The following DCAF5 variants were observed in gnomAD, a reference collection of about 807,000 sequenced individuals.
The protein encoded by DCAF5 is DDB1- and CUL4-associated factor 5.
In DCAF5, 9 loss-of-function variants were observed where a neutral mutation model predicts 80.7. The ratio of observed to expected loss-of-function variants is 0.11; its 90% CI spans 0.07 to 0.19. The LOEUF (loss-of-function observed/expected upper bound fraction) is 0.19, where lower values mean the gene tolerates loss of function less well. Among genes scored for constraint, DCAF5 ranks in the 10% least tolerant of loss-of-function variants. DCAF5 has a pLI of 1.00. For synonymous variants in DCAF5, 433 were observed against 461.9 expected, an observed-to-expected ratio of 0.94 and a Z score of 0.80; for missense variants, 842 against 1,205.7, an observed-to-expected ratio of 0.70 and a Z score of 4.47.
intron 6 of DCAF5, among the ~76,000 whole-genome samples, chr14:69,079,255 T>C (rs2139918575): frequency 6.6e-6 from 1 of 152,348 alleles, no homozygotes; most frequent in South Asian, 2.1e-4. Flanking sequence ...TCAGACAGAA[T>C]GCTGACTCAG....
intron 8 of DCAF5, among the ~76,000 whole-genome samples, chr14:69,060,622 C>T (rs1199651155): frequency 6.6e-6 from 1 of 152,068 alleles, no homozygotes; most frequent in Non-Finnish European, 1.5e-5. Flanking sequence ...ACCTCCGCGT[C>T]CTGGGTTCAA....
chr14:69,125,816 G>A (rs570101447), intron 1 of DCAF5, among the ~76,000 whole-genome samples: 22 of 152,084 alleles, frequency 1.4e-4, no homozygotes, highest in Non-Finnish European at 2.5e-4. Context: ...AGCAAGTTTC[G>A]AAAGGATATG....
intron 1 of DCAF5, among the ~76,000 whole-genome samples, chr14:69,137,443 C>G (rs1299275497): frequency 6.6e-6 from 1 of 151,998 alleles, no homozygotes; most frequent in Non-Finnish European, 1.5e-5. Context: ...TCTGATTATT[C>G]TTTTTTTTAG....
chr14:69,091,531 A>G, intron 6 of DCAF5, 143 bp downstream of exon 6: 1 of 741,630 alleles, frequency 1.3e-6, no homozygotes, highest in Non-Finnish European at 2.2e-6. Flanking sequence ...ACTATTATTA[A>G]GTCAGAACAT....
chr14:69,135,968 G>T (rs1299628694), intron 1 of DCAF5, among the ~76,000 whole-genome samples: 1 of 152,158 alleles, frequency 6.6e-6, no homozygotes, highest in Non-Finnish European at 1.5e-5. Flanking sequence ...CAGGCTACGA[G>T]AAATTATTCG....
At position 69,055,734 on chromosome 14, in the gene DCAF5, G is replaced by A. The variant is rs2037945576; in HGVS notation, c.1075-123C>T. ...TCTCCCTGTAATTTAACTAGGACTT[G>A]CTAACCAACTTAAAAATAAGTTCTT... On this transcript the variant is annotated intron_variant, in intron 8 of 8. Transcript: ENST00000341516. This position sits in a 1 kb window ranked among gnomAD's most constrained non-coding sequence, Gnocchi z 5.6. 1.0e-6 allele frequency: 1 copy of A among 989,998 alleles called. No homozygotes were observed. The highest frequency in any genetic ancestry group is 1.5e-6 in the Non-Finnish European group (1 of 673,716). The allele number at this position is 989,998 out of a possible 1,614,324, so 61.3% of individuals were successfully genotyped here.
At chr14:69,069,796 GT>G (rs1186722912) in intron 7 of DCAF5, among the ~76,000 whole-genome samples, 1 of 151,728 alleles carries the variant, frequency 6.6e-6, no homozygotes, top group East Asian at 1.9e-4. Flanking sequence ...TAAAAAAAAA[GT>G]TTGTGAAGAC....
rs1025924343 is a variant in DCAF5, at chr14:69,084,984, G to C, written c.879+6690C>G. ...GCTCATTTTGCACCCAGAAGAATTGGGTTTTCTTCACTACCTGAAATGATC... is the reference window on the plus strand; with the variant it reads ...GCTCATTTTGCACCCAGAAGAATTGCGTTTTCTTCACTACCTGAAATGATC... On this transcript the variant is annotated intron_variant, in intron 6 of 8. Coordinates refer to ENST00000341516, the MANE Select transcript of DCAF5 (RefSeq NM_003861.3). 14 of 1,412,808 alleles carry C rather than the reference G, an allele frequency of 9.9e-6. No individual in the cohort carries two copies. In the African/African-American group the frequency reaches 2.0e-4, roughly 20 times the overall value. 87.5% of individuals were successfully genotyped at this position (1,412,808 alleles called of 1,614,324 possible).
At position 69,152,014 on chromosome 14, in the gene DCAF5, C is replaced by T. The variant is rs928818813; in HGVS notation, c.214+751G>A. On this transcript the variant is annotated intron_variant, in intron 1 of 8. Transcript: ENST00000341516. The surrounding 1 kb of genome is among the most constrained non-coding windows in gnomAD (Gnocchi z 4.1). ...GGGCGCCGGGCTCCCGCCAACAAGT[C>T]TCCCGGGGGTCCCCCACCCTACCGC... 1.3e-5 allele frequency among the ~76,000 whole-genome samples: 2 copies of T among 152,226 alleles called. No individual in the cohort carries two copies. Among genetic ancestry groups the T allele is most frequent in the Non-Finnish European group, 2.9e-5 (2 of 68,034 alleles).
At chr14:69,098,406 C>G (rs555875587) in intron 5 of DCAF5, among the ~76,000 whole-genome samples, 7 of 152,314 alleles carry the variant, frequency 4.6e-5, no homozygotes, top group Non-Finnish European at 8.8e-5. Context: ...GCATCAATCA[C>G]CATCTTACAT....
At chr14:69,064,041 C>T (rs1307715108) in intron 7 of DCAF5, among the ~76,000 whole-genome samples, 1 of 152,064 alleles carries the variant, frequency 6.6e-6, no homozygotes, top group Non-Finnish European at 1.5e-5. Flanking sequence ...AGAAAGAGGA[C>T]AAGGAAAAGT....
Position 69,055,041 on chromosome 14 carries a change from G to A in DCAF5, c.1645C>T (p.Arg549Trp), listed in dbSNP as rs755143053. 2 of 1,614,104 alleles carry A rather than the reference G, an allele frequency of 1.2e-6. No individual in the cohort carries two copies. Among genetic ancestry groups the A allele is most frequent in the Non-Finnish European group, 1.7e-6 (2 of 1,180,058 alleles). ...TCTTCGGGGCTGGGTGACCGTGGCC[G>A]GGGAAAGAGATCTGTGTCTAGTTCC... ...EVELDTDLFP[R>W]PRSPSPEDES... The change falls in exon 9 of 9, where the codon CGG becomes TGG. Residue 549 changes from arginine (R) to tryptophan (W), a missense_variant. Physicochemically the swap from Arg to Trp is moderately radical, Grantham distance 101. Coordinates refer to ENST00000341516, the MANE Select transcript of DCAF5 (RefSeq NM_003861.3). The surrounding 1 kb of genome is among the most constrained non-coding windows in gnomAD (Gnocchi z 5.6).
At chr14:69,115,181 C>T (rs7158145) in intron 5 of DCAF5, among the ~76,000 whole-genome samples, 2 of 152,014 alleles carry the variant, frequency 1.3e-5, no homozygotes, top group Non-Finnish European at 2.9e-5. Context: ...AGTGCAAAGG[C>T]ACATCAGGGG....
At chr14:69,090,471 T>C (rs1228430205) in intron 6 of DCAF5, 1 of 152,326 alleles carries the variant, frequency 6.6e-6, no homozygotes, top group Non-Finnish European at 1.5e-5. Flanking sequence ...AATTTGGATA[T>C]ATAGTCTCTA....
intron 1 of DCAF5, among the ~76,000 whole-genome samples, chr14:69,133,966 AC>A (rs1321922295): frequency 6.6e-6 from 1 of 152,192 alleles, no homozygotes; most frequent in Non-Finnish European, 1.5e-5. Flanking sequence ...TGAAATACTA[AC>A]CCTAGACAAT....
chr14:69,119,929 A>G lies in DCAF5; in HGVS notation c.359-699T>C, dbSNP rs148477791. ...ATAACATCATAGAGTAACTGTAAGC[A>G]TAAGAGTACATCTGTAAAAGCATTC... On this transcript the variant is annotated intron_variant, in intron 2 of 8. Coordinates refer to ENST00000341516, the MANE Select transcript of DCAF5 (RefSeq NM_003861.3). 2.8e-4 allele frequency among the ~76,000 whole-genome samples: 42 copies of G among 152,330 alleles called. No homozygotes were observed. The East Asian group carries it at 7.9e-3, about 29-fold the overall frequency.
intron 5 of DCAF5, among the ~76,000 whole-genome samples, chr14:69,106,520 A>G (rs111342101): frequency 6.6e-6 from 1 of 151,936 alleles, no homozygotes; most frequent in African/African-American, 2.4e-5. Context: ...AGACTCTGCC[A>G]CTACCCCACC....
chr14:69,084,120 C>T (rs2039224442), intron 6 of DCAF5: 2 of 826,392 alleles, frequency 2.4e-6, no homozygotes, highest in African/African-American at 3.3e-5. Context: ...AATTTCATGC[C>T]CAGGAATGGA....
At chr14:69,075,798 T>A (rs1036933711) in intron 6 of DCAF5, among the ~76,000 whole-genome samples, 3 of 152,184 alleles carry the variant, frequency 2.0e-5, no homozygotes, top group Non-Finnish European at 4.4e-5. Flanking sequence ...CATACTGATT[T>A]TTAATATATC....
Sources: allele counts gnomAD v4.1 joint callset (sites outside exome capture counted in the v4.1 genomes callset), GRCh38; gene constraint gnomAD v4.1.1; non-coding constraint Gnocchi (gnomAD v3.1); transcripts MANE v1.5; gene names NCBI Gene and HGNC (gene_info 2026-07-23, HGNC 2026-07-21).